Variants in CRTC1 observed in about 807,000 individuals in gnomAD.
The protein encoded by CRTC1 is CREB regulated transcription coactivator 1.
CRTC1 carries 18 observed loss-of-function variants against 66.1 expected under a neutral mutation model. That is an observed-to-expected ratio of 0.27 (90% confidence interval 0.19 to 0.40). The LOEUF (loss-of-function observed/expected upper bound fraction) is 0.40, where lower values mean the gene tolerates loss of function less well. Among genes scored for constraint, CRTC1 ranks in the 10% least tolerant of loss-of-function variants. CRTC1 has a pLI of 1.00. For missense variants in CRTC1, 669 were observed against 887.9 expected, an observed-to-expected ratio of 0.75 and a Z score of 3.13; for synonymous variants, 416 against 398.8, an observed-to-expected ratio of 1.04 and a Z score of -0.51.
At chr19:18,750,852 T>C (rs7260000) in intron 5 of CRTC1, among the ~76,000 whole-genome samples, 77,245 of 152,006 alleles carry the variant, frequency 0.51, 21,239 homozygotes, top group East Asian at 0.82. Flanking sequence ...GTGCTGAGGA[T>C]AGCACAGTGC....
At chr19:18,748,778 G>A (rs955390171) in intron 4 of CRTC1, among the ~76,000 whole-genome samples, 1 of 150,412 alleles carries the variant, frequency 6.6e-6, no homozygotes, top group Non-Finnish European at 1.5e-5. Context: ...GTTAGTAAAC[G>A]GAAGAAAAGT....
chr19:18,759,056 CG>C (rs1023481695), intron 6 of CRTC1, among the ~76,000 whole-genome samples: 5 of 152,088 alleles, frequency 3.3e-5, no homozygotes, highest in African/African-American at 1.2e-4. Context: ...AAAAAGCAGC[CG>C]GGCGCAGTGC....
chr19:18,683,685 G>C lies in CRTC1; in HGVS notation c.-18G>C. ...AGGTGGAGGAGGAGGAGGAGGAGGAGGAGGTGGCGGCGAGAAGATGGCGAC... is the reference window on the plus strand; with the variant it reads ...AGGTGGAGGAGGAGGAGGAGGAGGACGAGGTGGCGGCGAGAAGATGGCGAC... On this transcript the variant is annotated 5_prime_UTR_variant, in exon 1 of 14. Transcript: ENST00000321949. The C allele has an allele frequency of 7.2e-7, 1 of 1,388,078 alleles. No individual in the cohort carries two copies. Among genetic ancestry groups the C allele is most frequent in the South Asian group, 1.3e-5 (1 of 76,514 alleles). 86.0% of individuals were successfully genotyped at this position (1,388,078 alleles called of 1,614,324 possible). A position where few individuals can be genotyped will look rare whatever the true frequency, so the allele number is the denominator to read the frequency against.
At chr19:18,755,851 C>CT (rs2054472388) in intron 6 of CRTC1, among the ~76,000 whole-genome samples, 1 of 151,980 alleles carries the variant, frequency 6.6e-6, no homozygotes, top group Non-Finnish European at 1.5e-5. Context: ...AGTCCTCTGC[C>CT]TCAGCCTCCC....
At chr19:18,715,258 C>T (rs1185533385) in intron 1 of CRTC1, among the ~76,000 whole-genome samples, 3 of 152,238 alleles carry the variant, frequency 2.0e-5, no homozygotes, top group East Asian at 1.9e-4. Context: ...GACAGAGACT[C>T]GCTTTGCCAC....
rs138335040 is a variant in CRTC1 at position 18,749,703 on chromosome 19, G to A, written c.444-78G>A. The A allele has an allele frequency of 6.5e-4, 771 of 1,182,930 alleles. No homozygotes were observed. In the African/African-American group the frequency reaches 9.2e-3, roughly 14 times the overall value. 73.3% of individuals were successfully genotyped at this position (1,182,930 alleles called of 1,614,324 possible). ...ACAGCTGCCACCCTGTCCATCCAGCGTGTCCCAGCTGGGATCAGGACTATC... is the reference window on the plus strand; with the variant it reads ...ACAGCTGCCACCCTGTCCATCCAGCATGTCCCAGCTGGGATCAGGACTATC... On this transcript the variant is annotated intron_variant, in intron 4 of 13. Coordinates refer to ENST00000321949, the MANE Select transcript of CRTC1 (RefSeq NM_015321.3).
At chr19:18,759,956 G>GCCAGCCCCCTGTCCCCGACA in intron 7 of CRTC1, 52 bp from the exon 8 acceptor site, 1 of 1,221,322 alleles carries the variant, frequency 8.2e-7, no homozygotes, top group East Asian at 2.4e-5. Flanking sequence ...TGTCCCCGCC[G>GCCAGCCCCCTGTCCCCGACA]CCAGCCCCGC....
chr19:18,737,440 G>A (rs2054021888), intron 1 of CRTC1, among the ~76,000 whole-genome samples: 1 of 152,048 alleles, frequency 6.6e-6, no homozygotes, highest in Admixed American at 6.6e-5. Flanking sequence ...TCCCAGGAGG[G>A]GCCATGTGAC....
chr19:18,724,649 C>T (rs2145644019), intron 1 of CRTC1, among the ~76,000 whole-genome samples: 1 of 150,462 alleles, frequency 6.6e-6, no homozygotes, highest in East Asian at 2.0e-4. Flanking sequence ...GCTGCATCGC[C>T]CCAATCCCGG....
chr19:18,705,202 C>T (rs2053236312), intron 1 of CRTC1, among the ~76,000 whole-genome samples: 1 of 152,150 alleles, frequency 6.6e-6, no homozygotes, highest in South Asian at 2.1e-4. Context: ...TGGCTGGTTT[C>T]ACCATTTGGC....
At chr19:18,722,941 C>T (rs2053660637) in intron 1 of CRTC1, among the ~76,000 whole-genome samples, 1 of 152,028 alleles carries the variant, frequency 6.6e-6, no homozygotes, top group Non-Finnish European at 1.5e-5. Context: ...TGGATCAGTG[C>T]TACAGTCTTT....
At chr19:18,764,409 C>T (rs1342655591) in intron 8 of CRTC1, among the ~76,000 whole-genome samples, 1 of 152,226 alleles carries the variant, frequency 6.6e-6, no homozygotes, top group Non-Finnish European at 1.5e-5. Context: ...GGGGGTCAGG[C>T]CAGGCTCGCA....
At chr19:18,699,820 T>C (rs1380797716) in intron 1 of CRTC1, among the ~76,000 whole-genome samples, 2 of 152,032 alleles carry the variant, frequency 1.3e-5, no homozygotes, top group African/African-American at 4.8e-5. Context: ...GGATTTATGC[T>C]TTGCAAGGAT....
intron 1 of CRTC1, among the ~76,000 whole-genome samples, chr19:18,699,294 C>T (rs890118020): frequency 6.6e-6 from 1 of 152,256 alleles, no homozygotes; most frequent in South Asian, 2.1e-4. Flanking sequence ...GAACATGTAC[C>T]GGCTGTTGAG....
At chr19:18,763,749 CCT>C (rs2054666384) in intron 8 of CRTC1, among the ~76,000 whole-genome samples, 1 of 152,246 alleles carries the variant, frequency 6.6e-6, no homozygotes, top group Non-Finnish European at 1.5e-5. Context: ...CCCACCCGCC[CCT>C]GTCGTCCCAC....
At chr19:18,763,080 C>T (rs1600983011) in intron 8 of CRTC1, among the ~76,000 whole-genome samples, 1 of 152,276 alleles carries the variant, frequency 6.6e-6, no homozygotes, top group East Asian at 1.9e-4. Context: ...CATTGTGCTA[C>T]AGTTGCCTAC....
At position 18,768,526 on chromosome 19, in the gene CRTC1, C is replaced by T. The variant is rs777875251; in HGVS notation, c.1053C>T (p.Pro351=). The T allele has an allele frequency of 1.2e-5, 20 of 1,609,658 alleles. No individual in the cohort carries two copies. Among genetic ancestry groups the T allele is most frequent in the Non-Finnish European group, 1.7e-5 (20 of 1,179,168 alleles). The change falls in exon 10 of 14, where the codon CCC becomes CCT. Residue 351 remains proline (P), a synonymous_variant. Transcript: ENST00000321949. The surrounding 1 kb of genome is among the most constrained non-coding windows in gnomAD (Gnocchi z 5.6). ...MDALSLEQQL[P]YAFFTQAGSQ... ...CCCTGTCTCTGGAGCAGCAGCTGCC[C>T]TACGCCTTCTTCACCCAGGCGGGCT...
At chr19:18,743,588 C>T (rs899119568) in intron 2 of CRTC1, among the ~76,000 whole-genome samples, 4 of 152,124 alleles carry the variant, frequency 2.6e-5, no homozygotes, top group South Asian at 2.1e-4. Context: ...ATCAGGGCCA[C>T]CCCCAGGACG....
intron 1 of CRTC1, among the ~76,000 whole-genome samples, chr19:18,721,293 A>T (rs1327941123): frequency 6.7e-6 from 1 of 149,120 alleles, no homozygotes; most frequent in Non-Finnish European, 1.5e-5. Flanking sequence ...TCCTGGGTTC[A>T]CGCCATTCTC....
Sources: gnomAD v4.1 joint callset for allele counts (sites outside exome capture counted in the v4.1 genomes callset) on GRCh38, gnomAD v4.1.1 for gene constraint, Gnocchi (gnomAD v3.1) non-coding constraint, MANE v1.5 for transcripts, NCBI Gene and HGNC (gene_info 2026-07-23, HGNC 2026-07-21) for gene names.